The following KLHL24 variants were observed in gnomAD, a reference collection of about 807,000 sequenced individuals.
KLHL24 encodes the protein kelch like family member 24.
In KLHL24, 29 loss-of-function variants were observed where a neutral mutation model predicts 53.4. That is an observed-to-expected ratio of 0.54 (90% CI 0.40 to 0.74). The LOEUF (loss-of-function observed/expected upper bound fraction) is 0.74. KLHL24 is among the 30% of genes least tolerant of loss of function. The pLI, the probability that KLHL24 is intolerant of heterozygous loss-of-function variation, is 0.00. For synonymous variants in KLHL24, 222 were observed against 253.7 expected, an observed-to-expected ratio of 0.88 and a Z score of 1.19; for missense variants, 504 against 744.0, an observed-to-expected ratio of 0.68 and a Z score of 3.75.
intron 7 of KLHL24, among the ~76,000 whole-genome samples, chr3:183,673,200 C>T (rs755461062): frequency 4.6e-5 from 7 of 151,836 alleles, no homozygotes; most frequent in African/African-American, 9.7e-5. Flanking sequence ...AGTGAGACTC[C>T]GTCTCAAAAA....
At chr3:183,639,571 A>G (rs1715994493) in intron 1 of KLHL24, among the ~76,000 whole-genome samples, 2 of 145,638 alleles carry the variant, frequency 1.4e-5, no homozygotes, top group Admixed American at 1.4e-4. Context: ...CGGAGCTTGC[A>G]GTGAGCCAAG....
chr3:183,649,019 CACAG>C (rs529968336), intron 2 of KLHL24, among the ~76,000 whole-genome samples: 71 of 151,766 alleles, frequency 4.7e-4, no homozygotes, highest in Non-Finnish European at 8.4e-4. Context: ...AAAAAAGAGA[CACAG>C]AGAGAGAATT....
intron 2 of KLHL24, among the ~76,000 whole-genome samples, chr3:183,649,150 A>AT (rs1450560181): frequency 6.6e-6 from 1 of 152,176 alleles, no homozygotes; most frequent in Non-Finnish European, 1.5e-5. Context: ...CATGCATGAA[A>AT]TTTTTTTAAA....
intron 1 of KLHL24, among the ~76,000 whole-genome samples, chr3:183,636,854 G>C (rs1336810903): frequency 6.6e-6 from 1 of 152,052 alleles, no homozygotes; most frequent in African/African-American, 2.4e-5. Flanking sequence ...CCTGCTGCGG[G>C]CGGCTGGTAG....
intron 3 of KLHL24, among the ~76,000 whole-genome samples, chr3:183,657,955 G>A (rs1719145050): frequency 1.3e-5 from 2 of 152,266 alleles, no homozygotes; most frequent in African/African-American, 4.8e-5. Flanking sequence ...GCTCACGCCT[G>A]TAATCCTAGC....
chr3:183,678,289 A>AT (rs1447721226), intron 7 of KLHL24, among the ~76,000 whole-genome samples: 2 of 152,084 alleles, frequency 1.3e-5, no homozygotes, highest in Non-Finnish European at 2.9e-5. Context: ...TTAGTTATAA[A>AT]TTTTTTCCTC....
intron 1 of KLHL24, among the ~76,000 whole-genome samples, chr3:183,638,159 A>T (rs888546345): frequency 1.3e-5 from 2 of 152,246 alleles, no homozygotes; most frequent in African/African-American, 4.8e-5. Flanking sequence ...TACAAAATGC[A>T]ATCGTCTAAC....
intron 1 of KLHL24, among the ~76,000 whole-genome samples, chr3:183,638,385 A>G (rs1317000686): frequency 6.6e-6 from 1 of 152,206 alleles, no homozygotes; most frequent in Non-Finnish European, 1.5e-5. Context: ...ATTAAAACCC[A>G]AAGGTCAAGC....
intron 5 of KLHL24, among the ~76,000 whole-genome samples, chr3:183,665,806 C>T (rs1037386701): frequency 6.6e-6 from 1 of 151,756 alleles, no homozygotes; most frequent in Non-Finnish European, 1.5e-5. Context: ...CTATTTTTGA[C>T]TGCAGCTAAT....
chr3:183,671,134 A>C lies in KLHL24; in HGVS notation c.1325A>C (p.Glu442Ala). The change falls in exon 6 of 8, where the codon GAA (glutamate) becomes GCA (alanine). Residue 442 changes from glutamate to alanine, a missense_variant. Transcript: ENST00000242810. ...NRWTEVAPLKEAVSSPAVTSC... is the reference protein window; with the variant it reads ...NRWTEVAPLKAAVSSPAVTSC... ...TGGACTGAAGTTGCTCCCCTTAAGGAAGCCGTGAGTTCTCCTGCAGTGACT... is the reference window on the plus strand; with the variant it reads ...TGGACTGAAGTTGCTCCCCTTAAGGCAGCCGTGAGTTCTCCTGCAGTGACT... 6.2e-7 allele frequency: 1 copy of C among 1,614,104 alleles called. No individual in the cohort carries two copies. Among genetic ancestry groups the C allele is most frequent in the South Asian group, 1.1e-5 (1 of 91,076 alleles).
At chr3:183,638,784 A>C (rs190856702) in intron 1 of KLHL24, among the ~76,000 whole-genome samples, 1 of 152,320 alleles carries the variant, frequency 6.6e-6, no homozygotes, top group East Asian at 1.9e-4. Context: ...AATAAACAAT[A>C]AAACAATCGC....
chr3:183,674,291 CTTTCTTTCTTTCCTTT>C (rs767176546), intron 7 of KLHL24, among the ~76,000 whole-genome samples: 4 of 149,098 alleles, frequency 2.7e-5, no homozygotes, highest in Non-Finnish European at 3.0e-5. Flanking sequence ...TTCTTTCTTT[CTTTCTTTCTTTCCTTT>C]CTTCCTTCCT....
intron 1 of KLHL24, among the ~76,000 whole-genome samples, chr3:183,640,142 C>G (rs918252307): frequency 1.3e-5 from 2 of 152,134 alleles, no homozygotes; most frequent in Non-Finnish European, 2.9e-5. Context: ...AACATGTTAG[C>G]AAGATAAAAC....
intron 5 of KLHL24, among the ~76,000 whole-genome samples, chr3:183,666,453 G>T (rs1188264310): frequency 7.2e-5 from 11 of 151,934 alleles, no homozygotes; most frequent in Non-Finnish European, 1.5e-4. Context: ...GTAGAGATTG[G>T]GTTTCTCCAC....
chr3:183,666,834 C>A (rs550847113), intron 5 of KLHL24, among the ~76,000 whole-genome samples: 3 of 152,158 alleles, frequency 2.0e-5, no homozygotes, highest in Admixed American at 2.0e-4. Context: ...CCAAGGATTA[C>A]CTTGGAGTCT....
In KLHL24 at chr3:183,679,911, TA is replaced by T. The variant is rs945164191; in HGVS notation, c.*626del. On this transcript the variant is annotated 3_prime_UTR_variant, in exon 8 of 8. Transcript: ENST00000242810. Reference sequence around the variant, plus strand: ...TGCTGTCTTACATTAAACATGTTTTTAGGGGGAAGTTAGGTAGGAGATAGAA... The same window carrying T: ...TGCTGTCTTACATTAAACATGTTTTTGGGGGAAGTTAGGTAGGAGATAGAA... 4 of 152,182 alleles carry T rather than the reference TA, an allele frequency of 2.6e-5. No individual in the cohort carries two copies. The highest frequency in any genetic ancestry group is 9.7e-5 in the African/African-American group (4 of 41,420). The allele number at this position is 152,182 out of a possible 1,614,324, so 9.4% of individuals were successfully genotyped here. A position where few individuals can be genotyped will look rare whatever the true frequency, so the allele number is the denominator to read the frequency against.
At chr3:183,678,068 C>G (rs532108138) in intron 7 of KLHL24, among the ~76,000 whole-genome samples, 1 of 152,344 alleles carries the variant, frequency 6.6e-6, no homozygotes, top group East Asian at 1.9e-4. Flanking sequence ...GCTGGGATTA[C>G]AGGCATGAGC....
intron 3 of KLHL24, among the ~76,000 whole-genome samples, chr3:183,658,212 CAA>C (rs35529680): frequency 1.8e-4 from 24 of 135,554 alleles, no homozygotes; most frequent in African/African-American, 4.1e-4. Flanking sequence ...GACTCTGTCT[CAA>C]AAAAAAAAAA....
chr3:183,663,533 T>G lies in KLHL24; in HGVS notation c.996T>G (p.Thr332=). 1 of 1,608,618 alleles carries G rather than the reference T, an allele frequency of 6.2e-7. No individual in the cohort carries two copies. The highest frequency in any genetic ancestry group is 8.5e-7 in the Non-Finnish European group (1 of 1,176,838). Residue 332 remains threonine (T), a synonymous_variant, in exon 4 of 8, where the codon ACT becomes ACG. Coordinates refer to ENST00000242810, the MANE Select transcript of KLHL24 (RefSeq NM_017644.3). The surrounding 1 kb of genome is among the most constrained non-coding windows in gnomAD (Gnocchi z 4.9). ...TTGGAGGATTTAATCTTCCATACAC[T>G]GAGTGCTACGATCCTGTAACAGGAG... ...ERVGGFNLPY[T]ECYDPVTGEW... is the part of the protein sequence containing the mutation.
Sources: gnomAD v4.1 joint callset for allele counts (sites outside exome capture counted in the v4.1 genomes callset) on GRCh38, gnomAD v4.1.1 for gene constraint, Gnocchi (gnomAD v3.1) non-coding constraint, MANE v1.5 for transcripts, NCBI Gene and HGNC (gene_info 2026-07-23, HGNC 2026-07-21) for gene names.